FRMD4A: variants seen among roughly 807,000 people sequenced by gnomAD.
FRMD4A encodes FERM domain-containing protein 4A.
A neutral mutation model predicts 129.1 loss-of-function variants in FRMD4A; 29 were observed. The ratio of observed to expected loss-of-function variants is 0.22; its 90% CI spans 0.17 to 0.31. FRMD4A has a LOEUF of 0.31. Among genes scored for constraint, FRMD4A ranks in the 10% least tolerant of loss-of-function variants. The pLI, the probability that FRMD4A is intolerant of heterozygous loss-of-function variation, is 1.00. For missense variants in FRMD4A, 1,272 were observed against 1,375.8 expected, an observed-to-expected ratio of 0.92 and a Z score of 1.19; for synonymous variants, 634 against 571.6, an observed-to-expected ratio of 1.11 and a Z score of -1.56.
intron 2 of FRMD4A, among the ~76,000 whole-genome samples, chr10:14,175,650 G>A (rs769234373): frequency 6.6e-6 from 1 of 150,714 alleles, no homozygotes; most frequent in African/African-American, 2.4e-5. Flanking sequence ...TCAGCCTCCT[G>A]AATATCTGTG....
chr10:14,124,404 G>A (rs1251125508), intron 2 of FRMD4A, among the ~76,000 whole-genome samples: 5 of 152,158 alleles, frequency 3.3e-5, no homozygotes, highest in African/African-American at 9.7e-5. Context: ...GGCCGGACAC[G>A]GTGCCTCATG....
intron 6 of FRMD4A, among the ~76,000 whole-genome samples, chr10:13,770,601 G>T (rs569807741): frequency 6.6e-6 from 1 of 152,034 alleles, no homozygotes; most frequent in South Asian, 2.1e-4. Context: ...ACACCACCGT[G>T]CTTAGCTAAT....
At chr10:13,921,369 CT>C (rs1425902163) in intron 2 of FRMD4A, among the ~76,000 whole-genome samples, 1 of 151,898 alleles carries the variant, frequency 6.6e-6, no homozygotes, top group Non-Finnish European at 1.5e-5. Context: ...TCAAGTGATC[CT>C]CCCACTTCAG....
At chr10:14,238,083 C>T (rs1259912522) in intron 2 of FRMD4A, among the ~76,000 whole-genome samples, 1 of 152,190 alleles carries the variant, frequency 6.6e-6, no homozygotes, top group Admixed American at 6.5e-5. Flanking sequence ...CGCTGGAGTC[C>T]ACCTGAGAAC....
At chr10:13,944,433 G>A (rs1426318382) in intron 2 of FRMD4A, among the ~76,000 whole-genome samples, 1 of 152,002 alleles carries the variant, frequency 6.6e-6, no homozygotes, top group African/African-American at 2.4e-5. Context: ...GGTTCCCACT[G>A]ATTCTACATT....
intron 2 of FRMD4A, among the ~76,000 whole-genome samples, chr10:13,876,780 A>T (rs1214367972): frequency 6.6e-6 from 1 of 151,976 alleles, no homozygotes; most frequent in Non-Finnish European, 1.5e-5. Flanking sequence ...GACTGCCATA[A>T]TAGGCACACA....
At chr10:14,229,536 C>T (rs1235433176) in intron 2 of FRMD4A, among the ~76,000 whole-genome samples, 1 of 152,132 alleles carries the variant, frequency 6.6e-6, no homozygotes, top group East Asian at 1.9e-4. Flanking sequence ...CTCCCATGCT[C>T]AGGAGATCCT....
At chr10:13,910,431 G>A (rs767979608) in intron 2 of FRMD4A, among the ~76,000 whole-genome samples, 1 of 152,162 alleles carries the variant, frequency 6.6e-6, no homozygotes, top group Non-Finnish European at 1.5e-5. Flanking sequence ...ATGAGGGAGA[G>A]GAGAACTGCC....
intron 2 of FRMD4A, among the ~76,000 whole-genome samples, chr10:14,046,030 T>C (rs1320407069): frequency 6.6e-6 from 1 of 150,968 alleles, no homozygotes; most frequent in African/African-American, 2.4e-5. Flanking sequence ...TTACATATTA[T>C]CAATATGTAT....
intron 8 of FRMD4A, among the ~76,000 whole-genome samples, chr10:13,748,853 G>T (rs1484220940): frequency 6.6e-6 from 1 of 152,144 alleles, no homozygotes; most frequent in Non-Finnish European, 1.5e-5. Context: ...AAACACTTCT[G>T]CTCCCAAGCA....
At chr10:13,838,794 T>C (rs2093917767) in intron 3 of FRMD4A, among the ~76,000 whole-genome samples, 1 of 152,052 alleles carries the variant, frequency 6.6e-6, no homozygotes, top group Non-Finnish European at 1.5e-5. Context: ...CGCCTGCCTA[T>C]GTTCTGTTTG....
chr10:14,209,472 A>C (rs1465885433), intron 2 of FRMD4A, among the ~76,000 whole-genome samples: 1 of 152,112 alleles, frequency 6.6e-6, no homozygotes, highest in Admixed American at 6.5e-5. Flanking sequence ...AGTGGTGGGC[A>C]TGGTGGCTCA....
At chr10:14,302,637 A>G (rs1323452749) in intron 2 of FRMD4A, among the ~76,000 whole-genome samples, 1 of 152,260 alleles carries the variant, frequency 6.6e-6, no homozygotes, top group East Asian at 1.9e-4. Context: ...TTCACTAAAG[A>G]TAGAGAATGG....
intron 2 of FRMD4A, among the ~76,000 whole-genome samples, chr10:14,095,653 C>T (rs1836916723): frequency 6.6e-6 from 1 of 152,240 alleles, no homozygotes; most frequent in African/African-American, 2.4e-5. Context: ...AATCATCATT[C>T]CTCTCCAGCA....
chr10:13,851,445 T>C (rs2094138671), intron 3 of FRMD4A, among the ~76,000 whole-genome samples: 1 of 152,166 alleles, frequency 6.6e-6, no homozygotes, highest in African/African-American at 2.4e-5. Flanking sequence ...CAGCAGGAGA[T>C]GAGCAGCGAG....
chr10:13,878,574 A>G (rs2094512622), intron 2 of FRMD4A, among the ~76,000 whole-genome samples: 1 of 152,052 alleles, frequency 6.6e-6, no homozygotes, highest in African/African-American at 2.4e-5. Context: ...CTAACATGGC[A>G]AAACGTTGTC....
chr10:14,033,658 G>T (rs1833359952), intron 2 of FRMD4A, among the ~76,000 whole-genome samples: 1 of 152,050 alleles, frequency 6.6e-6, no homozygotes, highest in African/African-American at 2.4e-5. Context: ...GGTGGCATGT[G>T]CCTGTAATCC....
rs66980805 is a variant in FRMD4A at position 13,925,566 on chromosome 10, CTTTTTTTTTTT to C, written c.46-66665_46-66655del. On this transcript the variant is annotated intron_variant, in intron 2 of 24. Transcript: ENST00000357447. ...TGAAAGTTTCTATTGTAGTGAAACGCTTTTTTTTTTTTTTTTTTTTTTTTTTTTTTTTTTTG... is the reference window on the plus strand; with the variant it reads ...TGAAAGTTTCTATTGTAGTGAAACGCTTTTTTTTTTTTTTTTTTTTTTTTG... 2.4e-4 allele frequency among the ~76,000 whole-genome samples: 15 copies of C among 61,944 alleles called. 1 individual carries two copies. Among genetic ancestry groups the C allele is most frequent in the East Asian group, 8.0e-4 (1 of 1,248 alleles). The allele number at this position is 61,944 out of a possible 152,430, so 40.6% of individuals were successfully genotyped here.
chr10:14,028,115 T>C (rs1588816645), intron 2 of FRMD4A, among the ~76,000 whole-genome samples: 1 of 152,252 alleles, frequency 6.6e-6, no homozygotes, highest in African/African-American at 2.4e-5. Flanking sequence ...AGTAACTATA[T>C]TCTAACTACC....
Sources: gnomAD v4.1 joint callset for allele counts (sites outside exome capture counted in the v4.1 genomes callset) on GRCh38, gnomAD v4.1.1 for gene constraint, MANE v1.5 for transcripts, NCBI Gene and HGNC (gene_info 2026-07-23, HGNC 2026-07-21) for gene names.